KMO: variants seen among roughly 807,000 people sequenced by gnomAD.
KMO encodes the protein kynurenine 3-hydroxylase.
A neutral mutation model predicts 57.8 loss-of-function variants in KMO; 24 were observed. That is an observed-to-expected ratio of 0.42 (90% CI 0.30 to 0.58). The LOEUF is 0.58. Among genes scored for constraint, KMO ranks in the 20% least tolerant of loss-of-function variants. The pLI is 0.22. For synonymous variants in KMO, 210 were observed against 193.6 expected (o/e 1.08, Z -0.70); for missense variants, 483 against 588.2 (o/e 0.82, Z 1.85).
intron 10 of KMO, among the ~76,000 whole-genome samples, chr1:241,576,201 G>A (rs1295975618): frequency 6.6e-6 from 1 of 151,800 alleles, no homozygotes; most frequent in African/African-American, 2.4e-5. Context: ...GGTTTCTGAT[G>A]TTTTTATCCA....
rs3034552 is a variant in KMO at position 241,592,755 on chromosome 1, C to CATCTATCTATCTATCTATCTATCTATCT, written c.*619_*646dup. 7.3e-6 allele frequency: 1 copy of CATCTATCTATCTATCTATCTATCTATCT among 137,478 alleles called. No homozygotes were observed. The highest frequency in any genetic ancestry group is 1.6e-5 in the Non-Finnish European group (1 of 61,742). 8.5% of individuals were successfully genotyped at this position (137,478 alleles called of 1,614,324 possible). The stretch of plus-strand genomic sequence containing the variant: ...ATCTATCATCTATCTATCTATCTAT[C>CATCTATCTATCTATCTATCTATCTATCT]ATCTATCTATCTATCTATCTATCTA... On this transcript the variant is annotated 3_prime_UTR_variant, in exon 15 of 15. Coordinates refer to ENST00000366559, the MANE Select transcript of KMO (RefSeq NM_003679.5).
At chr1:241,551,076 AT>A in intron 4 of KMO, 32 bp downstream of exon 4, 1 of 1,224,050 alleles carries the variant, frequency 8.2e-7, no homozygotes, top group Non-Finnish European at 1.2e-6. Context: ...TTGTGCATTG[AT>A]TATAAGGAAG....
chr1:241,546,383 C>A (rs1661149945), intron 1 of KMO, among the ~76,000 whole-genome samples: 1 of 152,150 alleles, frequency 6.6e-6, no homozygotes, highest in Non-Finnish European at 1.5e-5. Flanking sequence ...GTCTCCTTTT[C>A]CTCTCAGTAG....
At chr1:241,569,628 G>C (rs1045067686) in intron 10 of KMO, among the ~76,000 whole-genome samples, 27 of 152,088 alleles carry the variant, frequency 1.8e-4, no homozygotes, top group African/African-American at 5.1e-4. Context: ...TGGGAGTGCA[G>C]ATATCTCTTC....
chr1:241,577,136 A>G lies in KMO; in HGVS notation c.957+8489A>G, dbSNP rs143522696. Among the ~76,000 whole-genome samples, 1,189 of 152,130 alleles carry G rather than the reference A, an allele frequency of 7.8e-3. 17 individuals carry two copies. The highest frequency in any genetic ancestry group is 0.027 in the African/African-American group (1,133 of 41,536). The stretch of plus-strand genomic sequence containing the variant: ...TATCTCTTTAGGAAATTTTTCATTC[A>G]TATTCTGAATGTTTTAAATTTCTTC... On this transcript the variant is annotated intron_variant, in intron 10 of 14. Transcript: ENST00000366559.
At chr1:241,552,452 T>C (rs536545352) in intron 4 of KMO, among the ~76,000 whole-genome samples, 3 of 152,272 alleles carry the variant, frequency 2.0e-5, no homozygotes, top group South Asian at 2.1e-4. Context: ...TTGCTTTACC[T>C]GGTCAGTTCC....
intron 7 of KMO, among the ~76,000 whole-genome samples, chr1:241,563,573 A>G (rs1443749856): frequency 1.3e-5 from 2 of 152,176 alleles, no homozygotes; most frequent in African/African-American, 2.4e-5. Context: ...TTCTGCTCTC[A>G]TGGCCCAGAA....
chr1:241,565,042 T>C lies in KMO; in HGVS notation c.671T>C (p.Ile224Thr). 1 of 1,597,114 alleles carries C rather than the reference T, an allele frequency of 6.3e-7. No individual in the cohort carries two copies. Among genetic ancestry groups the C allele is most frequent in the Middle Eastern group, 1.7e-4 (1 of 6,026 alleles). The change falls in exon 8 of 15, where the codon ATT (isoleucine) becomes ACT (threonine). Residue 224 changes from isoleucine (I) to threonine (T), a missense_variant. Physicochemically the swap from Ile to Thr is moderately conservative, Grantham distance 89. Around this residue, in one of 3 missense-constraint regions of KMO, gnomAD observed 410 missense variants for 492.3 expected, o/e 0.83. Coordinates refer to ENST00000366559, the MANE Select transcript of KMO (RefSeq NM_003679.5). ...TGGCCTAGAAATACCTTTATGATGATTGCACTTCCTAACATGGTAGTATAG... is the reference window on the plus strand; with the variant it reads ...TGGCCTAGAAATACCTTTATGATGACTGCACTTCCTAACATGGTAGTATAG... ...HIWPRNTFMM[I>T]ALPNMNKSFT...
At chr1:241,579,154 G>C (rs1446683377) in intron 10 of KMO, among the ~76,000 whole-genome samples, 1 of 152,110 alleles carries the variant, frequency 6.6e-6, no homozygotes, top group Non-Finnish European at 1.5e-5. Context: ...CCTGAGTGCA[G>C]GTTATTCTAC....
intron 1 of KMO, among the ~76,000 whole-genome samples, chr1:241,536,000 G>T (rs1054763100): frequency 2.0e-5 from 3 of 152,110 alleles, no homozygotes; most frequent in Admixed American, 6.6e-5. Flanking sequence ...CTTTATAAAG[G>T]TTTCCCAGTG....
intron 6 of KMO, 99 bp from the exon 7 acceptor site, chr1:241,562,068 A>G: frequency 1.1e-6 from 1 of 940,988 alleles, no homozygotes; most frequent in Non-Finnish European, 1.6e-6. Context: ...TGAGCTTTCT[A>G]AGTTATCTAT....
rs1663433271 is a variant in KMO, at chr1:241,594,441, A to G, written c.*2288A>G. 6.2e-7 allele frequency: 1 copy of G among 1,613,022 alleles called. No homozygotes were observed. The highest frequency in any genetic ancestry group is 1.3e-5 in the African/African-American group (1 of 75,018). ...CATTCTTCATTCCTACAAAGGACGAACTTGGATTACATCAACTTTGGACCC... is the reference window on the plus strand; with the variant it reads ...CATTCTTCATTCCTACAAAGGACGAGCTTGGATTACATCAACTTTGGACCC... On this transcript the variant is annotated 3_prime_UTR_variant, in exon 15 of 15. Coordinates refer to ENST00000366559, the MANE Select transcript of KMO (RefSeq NM_003679.5).
In KMO at chr1:241,592,021, C is replaced by G; in HGVS notation, c.1329C>G (p.His443Gln). 6.2e-7 allele frequency: 1 copy of G among 1,613,988 alleles called. No homozygotes were observed. Among genetic ancestry groups the G allele is most frequent in the Non-Finnish European group, 8.5e-7 (1 of 1,179,894 alleles). Residue 443 changes from histidine to glutamine, a missense_variant, in exon 15 of 15, where the codon CAC becomes CAG. His to Gln is a conservative substitution (Grantham distance 24). Around this residue, in one of 3 missense-constraint regions of KMO, gnomAD observed 410 missense variants for 492.3 expected, o/e 0.83. Coordinates refer to ENST00000366559, the MANE Select transcript of KMO (RefSeq NM_003679.5). ...IAISSTYLLI[H>Q]YMSPRSFLRL... ...TCAGCAGTACCTACCTACTTATACACTACATGTCACCACGATCTTTCCTCC... is the reference window on the plus strand; with the variant it reads ...TCAGCAGTACCTACCTACTTATACAGTACATGTCACCACGATCTTTCCTCC...
intron 9 of KMO, among the ~76,000 whole-genome samples, chr1:241,566,959 A>G (rs893246325): frequency 6.6e-6 from 1 of 152,180 alleles, no homozygotes; most frequent in Admixed American, 6.5e-5. Context: ...CAGCAGATAC[A>G]TCCGGCAGCC....
intron 4 of KMO, among the ~76,000 whole-genome samples, chr1:241,551,245 T>C (rs993358916): frequency 3.3e-5 from 5 of 152,198 alleles, no homozygotes; most frequent in Non-Finnish European, 5.9e-5. Context: ...GAATAAACAT[T>C]CAGGAAGAAT....
intron 10 of KMO, among the ~76,000 whole-genome samples, chr1:241,572,087 G>A (rs935768663): frequency 2.6e-5 from 4 of 151,816 alleles, no homozygotes; most frequent in Non-Finnish European, 2.9e-5. Flanking sequence ...GGATGGTCTC[G>A]ATCACTTGAC....
At chr1:241,544,297 G>A (rs939987579) in intron 1 of KMO, among the ~76,000 whole-genome samples, 4 of 152,110 alleles carry the variant, frequency 2.6e-5, no homozygotes, top group Admixed American at 6.6e-5. Flanking sequence ...TGTGGTTAAC[G>A]GTAAAAACCG....
chr1:241,587,263 A>G (rs1040669132), intron 11 of KMO, among the ~76,000 whole-genome samples: 4 of 152,192 alleles, frequency 2.6e-5, no homozygotes, highest in Admixed American at 1.3e-4. Context: ...TCACGCTCCT[A>G]TGAGAAACTA....
chr1:241,539,575 GC>G (rs760333470), intron 1 of KMO, among the ~76,000 whole-genome samples: 5 of 152,162 alleles, frequency 3.3e-5, no homozygotes, highest in Non-Finnish European at 5.9e-5. Flanking sequence ...AAATGATATT[GC>G]CCCAGTCAAT....
Sources: allele counts gnomAD v4.1 joint callset (sites outside exome capture counted in the v4.1 genomes callset), GRCh38; gene constraint gnomAD v4.1.1; regional missense constraint gnomAD v4.1.1; transcripts MANE v1.5; gene names NCBI Gene and HGNC (gene_info 2026-07-23, HGNC 2026-07-21).